TMEM94: variants seen among roughly 807,000 people sequenced by gnomAD.
TMEM94 encodes the protein transmembrane protein 94.
TMEM94 carries 81 observed loss-of-function variants against 158.6 expected under a neutral mutation model. The observed-to-expected ratio is 0.51, with a 90% CI of 0.43 to 0.61. The LOEUF is 0.61. Ranked by LOEUF, TMEM94 falls within the 20% of genes least tolerant of loss-of-function variation. The probability of loss-of-function intolerance (pLI) is 0.00; values close to 1 mark genes in which losing one functional copy is unlikely to be tolerated. For missense variants in TMEM94, 1,435 were observed against 1,762.0 expected, an observed-to-expected ratio of 0.81 and a Z score of 3.32; for synonymous variants, 751 against 730.7, an observed-to-expected ratio of 1.03 and a Z score of -0.45.
Position 75,491,593 on chromosome 17 carries a change from G to A in TMEM94, c.1387-98G>A, listed in dbSNP as rs112932839. On this transcript the variant is annotated intron_variant, in intron 13 of 31. Coordinates refer to ENST00000314256, the MANE Select transcript of TMEM94 (RefSeq NM_014738.6). The surrounding 1 kb of genome is among the most constrained non-coding windows in gnomAD (Gnocchi z 5.1). ...ACCATTAGGATCTGCTTCTGGGCAGGTGAGGTGAAGACAAGGCAGCCAGGG... is the reference window on the plus strand; with the variant it reads ...ACCATTAGGATCTGCTTCTGGGCAGATGAGGTGAAGACAAGGCAGCCAGGG... 5.4e-3 allele frequency: 8,408 copies of A among 1,552,382 alleles called. 365 individuals are homozygous for A. In the African/African-American group the frequency reaches 0.094, roughly 17 times the overall value.
At position 75,489,947 on chromosome 17, in the gene TMEM94, C is replaced by T; in HGVS notation, c.954+285C>T. On this transcript the variant is annotated intron_variant, in intron 9 of 31. Transcript: ENST00000314256. This position sits in a 1 kb window ranked among gnomAD's most constrained non-coding sequence, Gnocchi z 5.0. ...TATAAAAATTAGCTGGGCGTGGTGG[C>T]ACGTGCCTGTGGTCCCAGCCATTCA... 1 of 561,402 alleles carries T rather than the reference C, an allele frequency of 1.8e-6. No individual in the cohort carries two copies. Among genetic ancestry groups the T allele is most frequent in the Non-Finnish European group, 3.2e-6 (1 of 313,668 alleles). 34.8% of individuals were successfully genotyped at this position (561,402 alleles called of 1,614,324 possible). A position where few individuals can be genotyped will look rare whatever the true frequency, so the allele number is the denominator to read the frequency against.
intron 2 of TMEM94, among the ~76,000 whole-genome samples, chr17:75,475,626 A>G (rs1237183481): frequency 1.3e-5 from 2 of 152,184 alleles, no homozygotes; most frequent in Non-Finnish European, 2.9e-5. Flanking sequence ...GCCATGACTC[A>G]CTCAGGCTCT....
chr17:75,497,466 G>C (rs933918849), intron 26 of TMEM94, among the ~76,000 whole-genome samples: 10 of 145,522 alleles, frequency 6.9e-5, no homozygotes, highest in African/African-American at 2.5e-4. Context: ...TGATTCTCCT[G>C]CCTCAGCCCC....
chr17:75,481,335 T>G (rs1410915631), intron 2 of TMEM94, among the ~76,000 whole-genome samples: 1 of 152,210 alleles, frequency 6.6e-6, no homozygotes, highest in Non-Finnish European at 1.5e-5. Context: ...GTTTATCCCC[T>G]CTGGGAAGAG....
At chr17:75,458,441 C>A (rs929173344) in intron 1 of TMEM94, among the ~76,000 whole-genome samples, 3 of 152,086 alleles carry the variant, frequency 2.0e-5, no homozygotes, top group African/African-American at 7.2e-5. Flanking sequence ...CAAAGTAATG[C>A]CTGTAATCCC....
intron 2 of TMEM94, chr17:75,476,424 C>G: frequency 1.9e-6 from 2 of 1,062,104 alleles, no homozygotes; most frequent in Non-Finnish European, 1.3e-6. Context: ...TCCTCTTCTC[C>G]CCTCCCTCCC....
Position 75,498,363 on chromosome 17 carries a change from G to C in TMEM94, c.3638+40G>C, listed in dbSNP as rs577428826. On this transcript the variant is annotated intron_variant, in intron 28 of 31. Transcript: ENST00000314256. The surrounding 1 kb of genome is among the most constrained non-coding windows in gnomAD (Gnocchi z 6.7). ...CAGAGATCCACCCATCGCCTGCCTCGCCTCGAGGCTTCCTCCCTCCCCACC... is the reference window on the plus strand; with the variant it reads ...CAGAGATCCACCCATCGCCTGCCTCCCCTCGAGGCTTCCTCCCTCCCCACC... The C allele has an allele frequency of 1.2e-6, 2 of 1,612,178 alleles. No individual in the cohort carries two copies. The highest frequency in any genetic ancestry group is 1.7e-6 in the Non-Finnish European group (2 of 1,179,464).
In TMEM94 at chr17:75,485,564, G is replaced by T. The variant is rs2051522986; in HGVS notation, c.144+17G>T. The T allele has an allele frequency of 6.2e-7, 1 of 1,613,932 alleles. No homozygotes were observed. Among genetic ancestry groups the T allele is most frequent in the South Asian group, 1.1e-5 (1 of 91,084 alleles). Reference sequence around the variant, plus strand: ...ACGTGGAAGGTGAAGCTTCTTCTCGGGGCTACCAGGGCCTGGCTGGGATGG... The same window carrying T: ...ACGTGGAAGGTGAAGCTTCTTCTCGTGGCTACCAGGGCCTGGCTGGGATGG... On this transcript the variant is annotated intron_variant, in intron 3 of 31. Coordinates refer to ENST00000314256, the MANE Select transcript of TMEM94 (RefSeq NM_014738.6). The surrounding 1 kb of genome is among the most constrained non-coding windows in gnomAD (Gnocchi z 5.5).
chr17:75,489,542 G>T lies in TMEM94; in HGVS notation c.868-34G>T. ...AGTGCCTGGGTCCCTCTAGAGGGGCGGGGTCAAGGCTGTGCCTCTGCTGTT... is the reference window on the plus strand; with the variant it reads ...AGTGCCTGGGTCCCTCTAGAGGGGCTGGGTCAAGGCTGTGCCTCTGCTGTT... On this transcript the variant is annotated intron_variant, in intron 8 of 31. Transcript: ENST00000314256. The surrounding 1 kb of genome is among the most constrained non-coding windows in gnomAD (Gnocchi z 5.0). 1 of 1,592,934 alleles carries T rather than the reference G, an allele frequency of 6.3e-7. No homozygotes were observed. The highest frequency in any genetic ancestry group is 2.2e-5 in the East Asian group (1 of 44,776).
At position 75,498,625 on chromosome 17, in the gene TMEM94, C is replaced by T; in HGVS notation, c.3734-4C>T. ...TGACCCCCACATCGCCCCACCTTCCCCAGTCTTCATTTCCATCACCCATGT... is the reference window on the plus strand; with the variant it reads ...TGACCCCCACATCGCCCCACCTTCCTCAGTCTTCATTTCCATCACCCATGT... On this transcript the variant is annotated splice_polypyrimidine_tract_variant and splice_region_variant and intron_variant, in intron 29 of 31. Transcript: ENST00000314256. This position sits in a 1 kb window ranked among gnomAD's most constrained non-coding sequence, Gnocchi z 6.7. The T allele has an allele frequency of 6.2e-7, 1 of 1,611,796 alleles. No individual in the cohort carries two copies.
Position 75,493,824 on chromosome 17 carries a change from T to C in TMEM94, c.2315T>C (p.Val772Ala), listed in dbSNP as rs752734090. Residue 772 changes from valine to alanine, a missense_variant, in exon 18 of 32, where the codon GTG becomes GCG. Physicochemically the swap from Val to Ala is moderately conservative, Grantham distance 64 (BLOSUM62 0). Around this residue, in one of 3 missense-constraint regions of TMEM94, gnomAD observed 1,051 missense variants for 1,254.4 expected, o/e 0.84. Coordinates refer to ENST00000314256, the MANE Select transcript of TMEM94 (RefSeq NM_014738.6). ...LNGKCIELVQ[V>A]PGQSSIFTMC... Reference sequence around the variant, plus strand: ...GGCAAGTGCATCGAGCTGGTACAGGTGCCCGGCCAAAGCAGCATCTTCACC... The same window carrying C: ...GGCAAGTGCATCGAGCTGGTACAGGCGCCCGGCCAAAGCAGCATCTTCACC... 2.4e-5 allele frequency: 38 copies of C among 1,613,700 alleles called. No individual in the cohort carries two copies. The highest frequency in any genetic ancestry group is 3.2e-5 in the Non-Finnish European group (38 of 1,180,042).
rs777194831 is a variant in TMEM94, at chr17:75,495,359, C to T, written c.2804C>T (p.Thr935Met). Reference sequence around the variant, plus strand: ...TCGGACCTCATCAGCTTCCAGCCTACGGACAGCGACATCCCCAGCTTCCTG... The same window carrying T: ...TCGGACCTCATCAGCTTCCAGCCTATGGACAGCGACATCCCCAGCTTCCTG... ...GHSDLISFQP[T>M]DSDIPSFLED... The change falls in exon 21 of 32, where the codon ACG (threonine) becomes ATG (methionine). Residue 935 changes from threonine (T) to methionine (M), a missense_variant. This residue lies in a region of TMEM94 where 1,051 missense variants were observed against 1,254.4 expected (regional missense o/e 0.84). Coordinates refer to ENST00000314256, the MANE Select transcript of TMEM94 (RefSeq NM_014738.6). The surrounding 1 kb of genome is among the most constrained non-coding windows in gnomAD (Gnocchi z 5.6). 6 of 1,613,784 alleles carry T rather than the reference C, an allele frequency of 3.7e-6. No homozygotes were observed. Among genetic ancestry groups the T allele is most frequent in the African/African-American group, 1.3e-5 (1 of 74,918 alleles).
Position 75,480,937 on chromosome 17 carries a change from C to T in TMEM94, c.25-4491C>T, listed in dbSNP as rs115870309. 1.3e-3 allele frequency among the ~76,000 whole-genome samples: 205 copies of T among 152,268 alleles called. 1 individual carries two copies. Among genetic ancestry groups the T allele is most frequent in the African/African-American group, 4.7e-3 (195 of 41,558 alleles). The stretch of plus-strand genomic sequence containing the variant: ...GGAACACTCACATTCCTCTCTGTGG[C>T]GAGGAAGCTCAGAAGGCTGAGCCTG... On this transcript the variant is annotated intron_variant, in intron 2 of 31. Coordinates refer to ENST00000314256, the MANE Select transcript of TMEM94 (RefSeq NM_014738.6).
Position 75,498,076 on chromosome 17 carries a change from C to A in TMEM94, c.3490-99C>A. 6.6e-7 allele frequency: 1 copy of A among 1,507,906 alleles called. No individual in the cohort carries two copies. The highest frequency in any genetic ancestry group is 9.1e-7 in the Non-Finnish European group (1 of 1,103,096). 93.4% of individuals were successfully genotyped at this position (1,507,906 alleles called of 1,614,324 possible). ...GGCTTGAGCTCCCTATCCCCCCAGG[C>A]CTGACCATTTACTAAGAGCCCGTTG... On this transcript the variant is annotated intron_variant, in intron 27 of 31. Transcript: ENST00000314256. The surrounding 1 kb of genome is among the most constrained non-coding windows in gnomAD (Gnocchi z 6.7).
chr17:75,457,899 C>A (rs2049943188), intron 1 of TMEM94, among the ~76,000 whole-genome samples: 1 of 152,082 alleles, frequency 6.6e-6, no homozygotes, highest in Non-Finnish European at 1.5e-5. Context: ...CCTGACTCCC[C>A]TGAGCTCTTG....
In TMEM94 at chr17:75,498,406, G is replaced by A. The variant is rs746856627; in HGVS notation, c.3639-38G>A. On this transcript the variant is annotated intron_variant, in intron 28 of 31. Coordinates refer to ENST00000314256, the MANE Select transcript of TMEM94 (RefSeq NM_014738.6). The surrounding 1 kb of genome is among the most constrained non-coding windows in gnomAD (Gnocchi z 6.7). The stretch of plus-strand genomic sequence containing the variant: ...TCCCCACCCCAGCCTACCTCCCTGC[G>A]GCCCTAGAGGGGCTGAGCCCATGCC... 24 of 1,605,884 alleles carry A rather than the reference G, an allele frequency of 1.5e-5. No homozygotes were observed. Among genetic ancestry groups the A allele is most frequent in the Non-Finnish European group, 1.7e-5 (20 of 1,175,352 alleles).
In TMEM94 at chr17:75,490,743, G is replaced by A; in HGVS notation, c.1113G>A (p.Glu371=). ...AGGATACTCTCAGCAGCTATACGGA[G>A]GCTGTCTCCTCTCAGGTACAACACT... The part of the protein sequence containing the change: ...FSEDTLSSYT[E]AVSSQEMLRC... Residue 371 remains glutamate, a synonymous_variant, in exon 11 of 32, where the codon GAG becomes GAA. Coordinates refer to ENST00000314256, the MANE Select transcript of TMEM94 (RefSeq NM_014738.6). The A allele has an allele frequency of 1.2e-6, 2 of 1,614,090 alleles. No homozygotes were observed. The highest frequency in any genetic ancestry group is 1.7e-5 in the Admixed American group (1 of 60,024).
rs150522233 is a variant in TMEM94 at position 75,469,406 on chromosome 17, G to A, written c.-106-2394G>A. Reference sequence around the variant, plus strand: ...TGTCGCCCGACTGGAGTGCAGTGGCGCAATCTCAGCTCACTGGAACCTCTG... The same window carrying A: ...TGTCGCCCGACTGGAGTGCAGTGGCACAATCTCAGCTCACTGGAACCTCTG... On this transcript the variant is annotated intron_variant, in intron 1 of 31. Transcript: ENST00000314256. Among the ~76,000 whole-genome samples, 344 of 148,552 alleles carry A rather than the reference G, an allele frequency of 2.3e-3. 6 individuals carry two copies. Among genetic ancestry groups the A allele is most frequent in the African/African-American group, 6.8e-3 (271 of 40,124 alleles).
chr17:75,488,990 G>T, intron 7 of TMEM94, 80 bp downstream of exon 7: 1 of 1,457,350 alleles, frequency 6.9e-7, no homozygotes, highest in Non-Finnish European at 9.3e-7. Flanking sequence ...AAGGGGCCCC[G>T]TTCATCTCGA....
Sources: gnomAD v4.1 joint callset for allele counts (sites outside exome capture counted in the v4.1 genomes callset) on GRCh38, gnomAD v4.1.1 for gene constraint, gnomAD v4.1.1 regional missense constraint, Gnocchi (gnomAD v3.1) non-coding constraint, MANE v1.5 for transcripts, NCBI Gene and HGNC (gene_info 2026-07-23, HGNC 2026-07-21) for gene names.